Variants in ARB2A observed in about 807,000 individuals in gnomAD.
ARB2A encodes the protein ARB2 cotranscriptional regulator A.
chr5:93,826,263 C>T, the ARB2A span, among the ~76,000 whole-genome samples: 3 of 152,186 alleles, frequency 2.0e-5, no homozygotes, highest in Non-Finnish European at 4.4e-5. Flanking sequence ...AGCTTGAACA[C>T]TAAAAGACTC....
At chr5:94,026,044 C>T in the ARB2A span, among the ~76,000 whole-genome samples, 1 of 152,168 alleles carries the variant, frequency 6.6e-6, no homozygotes, top group African/African-American at 2.4e-5. Flanking sequence ...GCAAGCTAGT[C>T]CTGCAGTGGA....
At chr5:93,970,079 T>C in the ARB2A span, among the ~76,000 whole-genome samples, 1 of 152,164 alleles carries the variant, frequency 6.6e-6, no homozygotes, top group Non-Finnish European at 1.5e-5. Flanking sequence ...AATTTCTCAA[T>C]AGTAACAAGC....
the ARB2A span, among the ~76,000 whole-genome samples, chr5:93,900,379 G>A: frequency 1.1e-3 from 164 of 152,194 alleles, no homozygotes; most frequent in African/African-American, 3.8e-3. Context: ...TTGGGAGGCT[G>A]AGGTGGGTGG....
the ARB2A span, among the ~76,000 whole-genome samples, chr5:93,995,961 C>G: frequency 6.6e-6 from 1 of 152,068 alleles, no homozygotes; most frequent in Non-Finnish European, 1.5e-5. Flanking sequence ...CAAAATATGG[C>G]CCTTCTTCAT....
At chr5:94,015,379 C>A in the ARB2A span, among the ~76,000 whole-genome samples, 1 of 151,872 alleles carries the variant, frequency 6.6e-6, no homozygotes, top group Non-Finnish European at 1.5e-5. Flanking sequence ...CCAGACTCAT[C>A]TTACAAGAAA....
chr5:93,873,146 G>A, the ARB2A span, among the ~76,000 whole-genome samples: 1,189 of 152,078 alleles, frequency 7.8e-3, 5 homozygotes, highest in Non-Finnish European at 0.011. Context: ...TCTCCTGTGC[G>A]TCAGGTGTGG....
the ARB2A span, chr5:93,619,548 T>C: frequency 1.3e-5 from 2 of 152,348 alleles, no homozygotes; most frequent in African/African-American, 2.4e-5. Context: ...CATTTTATCA[T>C]GTCCTCAAAT....
At chr5:93,789,909 A>G in the ARB2A span, among the ~76,000 whole-genome samples, 1 of 152,254 alleles carries the variant, frequency 6.6e-6, no homozygotes, top group African/African-American at 2.4e-5. Flanking sequence ...ACTTCAGTAG[A>G]TAAAATGTGA....
At chr5:93,868,093 G>A in the ARB2A span, among the ~76,000 whole-genome samples, 1 of 152,208 alleles carries the variant, frequency 6.6e-6, no homozygotes, top group Non-Finnish European at 1.5e-5. Flanking sequence ...GCCAAGGGAG[G>A]AGGATTGCTT....
At chr5:93,852,280 T>C in the ARB2A span, among the ~76,000 whole-genome samples, 6 of 152,156 alleles carry the variant, frequency 3.9e-5, no homozygotes, top group East Asian at 1.9e-4. Context: ...TCATATCCTT[T>C]GCCCACTTTT....
chr5:94,055,067 T>C, the ARB2A span, among the ~76,000 whole-genome samples: 4 of 152,230 alleles, frequency 2.6e-5, no homozygotes, highest in African/African-American at 9.6e-5. Context: ...AAGCATTTAA[T>C]ATCTTTTAGG....
At chr5:93,762,378 C>T in the ARB2A span, among the ~76,000 whole-genome samples, 2 of 152,114 alleles carry the variant, frequency 1.3e-5, no homozygotes, top group African/African-American at 2.4e-5. Flanking sequence ...AGCTGAAAAC[C>T]AAGGCATGAG....
the ARB2A span, among the ~76,000 whole-genome samples, chr5:93,845,982 TTCTC>T: frequency 4.9e-4 from 68 of 137,596 alleles, no homozygotes; most frequent in Middle Eastern, 3.7e-3. Context: ...AGAACATATT[TTCTC>T]TCTCTCTCTC....
At chr5:94,002,435 C>T in the ARB2A span, among the ~76,000 whole-genome samples, 3 of 151,724 alleles carry the variant, frequency 2.0e-5, no homozygotes, top group Admixed American at 6.6e-5. Flanking sequence ...CTAAAGTCAT[C>T]GATTATAGTT....
At chr5:93,903,750 C>T in the ARB2A span, among the ~76,000 whole-genome samples, 1 of 146,286 alleles carries the variant, frequency 6.8e-6, no homozygotes, top group African/African-American at 2.5e-5. Flanking sequence ...TGTGTATAGT[C>T]CTAGCCACAT....
At chr5:94,087,798 T>C in the ARB2A span, among the ~76,000 whole-genome samples, 2 of 152,362 alleles carry the variant, frequency 1.3e-5, no homozygotes, top group South Asian at 4.1e-4. Flanking sequence ...AATTCCACTG[T>C]GTTACCATTG....
the ARB2A span, among the ~76,000 whole-genome samples, chr5:94,018,204 G>A: frequency 2.0e-5 from 3 of 152,154 alleles, no homozygotes; most frequent in Admixed American, 6.5e-5. Flanking sequence ...ATAAAGTGGT[G>A]CTGCCTATAG....
At chr5:93,823,187 G>C in the ARB2A span, among the ~76,000 whole-genome samples, 2 of 152,114 alleles carry the variant, frequency 1.3e-5, no homozygotes, top group Non-Finnish European at 2.9e-5. Flanking sequence ...AGAGATTATG[G>C]ACAGATCCCA....
chr5:93,799,157 C>A, the ARB2A span, among the ~76,000 whole-genome samples: 3 of 152,108 alleles, frequency 2.0e-5, no homozygotes, highest in East Asian at 5.8e-4. Context: ...TTTTAGAGAA[C>A]ACTTATGGTC....
Sources: gnomAD v4.1 joint callset for allele counts (sites outside exome capture counted in the v4.1 genomes callset) on GRCh38, gnomAD v4.1.1 for gene constraint, MANE v1.5 for transcripts, NCBI Gene and HGNC (gene_info 2026-07-23, HGNC 2026-07-21) for gene names.